The following MYO16 variants were observed in gnomAD, a reference collection of about 807,000 sequenced individuals.
MYO16 encodes myosin XVI.
MYO16 carries 94 observed loss-of-function variants against 205.3 expected under a neutral mutation model. That is an observed-to-expected ratio of 0.46 (90% confidence interval 0.39 to 0.54). MYO16 has a LOEUF of 0.54. MYO16 is among the 20% of genes least tolerant of loss of function. The pLI is 0.00. For missense variants in MYO16, 2,315 were observed against 2,387.5 expected, an observed-to-expected ratio of 0.97 and a Z score of 0.63; for synonymous variants, 988 against 954.0, an observed-to-expected ratio of 1.04 and a Z score of -0.66.
At chr13:108,620,989 ACTATC>A (rs1260896158) in intron 1 of MYO16, among the ~76,000 whole-genome samples, 1 of 152,144 alleles carries the variant, frequency 6.6e-6, no homozygotes, top group Non-Finnish European at 1.5e-5. Context: ...TGTGCCAGGT[ACTATC>A]CTTTAGCCTT....
chr13:108,615,919 A>G (rs72664941), intron 1 of MYO16, among the ~76,000 whole-genome samples: 12,208 of 152,244 alleles, frequency 0.08, 713 homozygotes, highest in Non-Finnish European at 0.11. Context: ...ACCATTCTGT[A>G]TTGTGAATTT....
the MYO16 span, among the ~76,000 whole-genome samples, chr13:108,544,440 G>T: frequency 6.6e-6 from 1 of 152,132 alleles, no homozygotes; most frequent in East Asian, 1.9e-4. Context: ...CTATATGAGA[G>T]ATTTTGTTCA....
intron 23 of MYO16, among the ~76,000 whole-genome samples, chr13:109,041,181 A>C (rs1886873009): frequency 6.6e-6 from 1 of 152,240 alleles, no homozygotes; most frequent in South Asian, 2.1e-4. Flanking sequence ...CGAAAACCAC[A>C]AAATTCTGAT....
chr13:108,555,884 T>C, the MYO16 span, among the ~76,000 whole-genome samples: 1 of 152,212 alleles, frequency 6.6e-6, no homozygotes, highest in East Asian at 1.9e-4. Flanking sequence ...TCACTTACCA[T>C]AATGTGGTCC....
At chr13:108,644,324 T>C (rs1383545315) in intron 1 of MYO16, among the ~76,000 whole-genome samples, 2 of 152,048 alleles carry the variant, frequency 1.3e-5, no homozygotes, top group African/African-American at 4.8e-5. Context: ...TGGTCTAAAA[T>C]GGTTGGAGCA....
chr13:108,962,682 C>T (rs1193969705), intron 19 of MYO16, among the ~76,000 whole-genome samples, 187 bp downstream of exon 19: 1 of 151,976 alleles, frequency 6.6e-6, no homozygotes, highest in African/African-American at 2.4e-5. Context: ...CCTGAGAGAC[C>T]ATTTTGCCTA....
intron 28 of MYO16, among the ~76,000 whole-genome samples, chr13:109,115,917 C>A (rs532946734): frequency 2.0e-5 from 3 of 152,170 alleles, no homozygotes; most frequent in East Asian, 3.9e-4. Flanking sequence ...CTGCTAATTT[C>A]ATTGCTTTCA....
At chr13:108,702,814 C>A (rs1883362513) in intron 2 of MYO16, among the ~76,000 whole-genome samples, 2 of 151,958 alleles carry the variant, frequency 1.3e-5, no homozygotes, top group Non-Finnish European at 2.9e-5. Flanking sequence ...GGACAGCTGA[C>A]TATATAACAG....
the MYO16 span, among the ~76,000 whole-genome samples, chr13:108,526,054 C>T: frequency 4.6e-3 from 698 of 151,924 alleles, 6 homozygotes; most frequent in African/African-American, 0.016. Context: ...CATGGATGAC[C>T]AACCTCTAGT....
chr13:108,897,484 G>A (rs1246884288), intron 14 of MYO16, among the ~76,000 whole-genome samples: 1 of 152,200 alleles, frequency 6.6e-6, no homozygotes, highest in African/African-American at 2.4e-5. Context: ...AGAATAGTTG[G>A]TGTGAGGCAA....
intron 16 of MYO16, among the ~76,000 whole-genome samples, chr13:108,955,177 G>A (rs901672165): frequency 6.6e-6 from 1 of 152,184 alleles, no homozygotes; most frequent in Non-Finnish European, 1.5e-5. Context: ...CACCTTACCT[G>A]TGTCGTCCTA....
chr13:108,552,674 C>T, the MYO16 span, among the ~76,000 whole-genome samples: 243 of 152,290 alleles, frequency 1.6e-3, 1 homozygote, highest in Non-Finnish European at 2.6e-3. Context: ...CAGTTATGTG[C>T]TGTGATATAC....
At chr13:108,672,387 G>A (rs1488807617) in intron 2 of MYO16, among the ~76,000 whole-genome samples, 1 of 152,108 alleles carries the variant, frequency 6.6e-6, no homozygotes, top group African/African-American at 2.4e-5. Context: ...ATATTTGTAT[G>A]AAATTTTATC....
chr13:108,792,277 A>G (rs1886638924), intron 5 of MYO16, among the ~76,000 whole-genome samples: 1 of 152,190 alleles, frequency 6.6e-6, no homozygotes, highest in Non-Finnish European at 1.5e-5. Context: ...ATTAGTAGTC[A>G]TGAAATGTTC....
intron 34 of MYO16, among the ~76,000 whole-genome samples, chr13:109,199,676 C>T (rs141705185): frequency 1.3e-5 from 2 of 152,270 alleles, no homozygotes; most frequent in South Asian, 4.1e-4. Flanking sequence ...TCCAAACTCA[C>T]GCTGCCAGCA....
chr13:108,589,576 A>G, the MYO16 span, among the ~76,000 whole-genome samples: 5 of 152,226 alleles, frequency 3.3e-5, no homozygotes, highest in African/African-American at 1.2e-4. Context: ...AATCCAAAAA[A>G]GAAAATGACA....
chr13:108,692,307 G>A (rs557256796), intron 2 of MYO16, among the ~76,000 whole-genome samples: 2 of 151,730 alleles, frequency 1.3e-5, no homozygotes, highest in African/African-American at 4.8e-5. Context: ...AACTGACTGA[G>A]GTATTTGGTA....
chr13:108,716,141 G>A (rs539079689), intron 3 of MYO16, among the ~76,000 whole-genome samples: 25 of 152,306 alleles, frequency 1.6e-4, no homozygotes, highest in African/African-American at 5.8e-4. Context: ...TCTGTTCTTA[G>A]CATGTGATGC....
At chr13:108,858,227 C>G (rs1257525361) in intron 11 of MYO16, among the ~76,000 whole-genome samples, 1 of 152,152 alleles carries the variant, frequency 6.6e-6, no homozygotes, top group Admixed American at 6.5e-5. Flanking sequence ...TAATAAGAAT[C>G]AGAGTTTGAA....
Sources: allele counts gnomAD v4.1 joint callset (sites outside exome capture counted in the v4.1 genomes callset), GRCh38; gene constraint gnomAD v4.1.1; transcripts MANE v1.5; gene names NCBI Gene and HGNC (gene_info 2026-07-23, HGNC 2026-07-21).